Variants in TFB1M observed in about 807,000 individuals in gnomAD.
TFB1M encodes dimethyladenosine transferase 1, mitochondrial.
A neutral mutation model predicts 31.1 loss-of-function variants in TFB1M; 27 were observed. The ratio of observed to expected loss-of-function variants is 0.87; its 90% CI spans 0.64 to 1.20. TFB1M has a LOEUF of 1.20. Ranked by LOEUF, TFB1M falls within the 50% of genes most tolerant of loss-of-function variation. The pLI, the probability that TFB1M is intolerant of heterozygous loss-of-function variation, is 0.00. For synonymous variants in TFB1M, 166 were observed against 151.8 expected (o/e 1.09, Z -0.69); for missense variants, 394 against 418.7 (o/e 0.94, Z 0.51).
intron 5 of TFB1M, among the ~76,000 whole-genome samples, chr6:155,261,864 G>T (rs2114668379): frequency 6.6e-6 from 1 of 152,334 alleles, no homozygotes; most frequent in South Asian, 2.1e-4. Flanking sequence ...CAGCCTTCTT[G>T]TGAAGTCCAG....
intron 5 of TFB1M, among the ~76,000 whole-genome samples, chr6:155,281,593 G>A (rs539048667): frequency 1.3e-5 from 2 of 151,954 alleles, no homozygotes; most frequent in African/African-American, 4.8e-5. Flanking sequence ...ATGATGGCGG[G>A]CGCCTGTAAT....
the TFB1M span, among the ~76,000 whole-genome samples, chr6:155,249,118 A>G: frequency 6.6e-6 from 1 of 152,188 alleles, no homozygotes; most frequent in Non-Finnish European, 1.5e-5. Context: ...TTCCTTCCAA[A>G]CTTCCCTCCA....
intron 4 of TFB1M, among the ~76,000 whole-genome samples, chr6:155,288,439 CAAGTGGTCA>C (rs1259074892): frequency 1.3e-5 from 2 of 152,140 alleles, no homozygotes; most frequent in East Asian, 3.8e-4. Context: ...GCTTATGGAT[CAAGTGGTCA>C]AAAATATTTC....
At chr6:155,248,632 T>C in the TFB1M span, among the ~76,000 whole-genome samples, 4 of 151,580 alleles carry the variant, frequency 2.6e-5, no homozygotes, top group Admixed American at 6.6e-5. Flanking sequence ...AGAGCTCGGC[T>C]TCAAAACCAA....
At chr6:155,313,075 C>T (rs1374380601) in intron 1 of TFB1M, 1 of 152,060 alleles carries the variant, frequency 6.6e-6, no homozygotes, top group Non-Finnish European at 1.5e-5. Context: ...TAGTGAAACC[C>T]TGTCTTTACT....
chr6:155,277,959 T>G (rs908250993), intron 5 of TFB1M, among the ~76,000 whole-genome samples: 46 of 152,198 alleles, frequency 3.0e-4, no homozygotes, highest in African/African-American at 1.1e-3. Flanking sequence ...GCTATATCAT[T>G]CTATATATAC....
chr6:155,269,385 G>C (rs1183683318), intron 5 of TFB1M, among the ~76,000 whole-genome samples: 1 of 139,248 alleles, frequency 7.2e-6, no homozygotes, highest in Non-Finnish European at 1.5e-5. Flanking sequence ...GCTATGACAC[G>C]ATCTTGGCTC....
the TFB1M span, among the ~76,000 whole-genome samples, chr6:155,234,668 G>A: frequency 6.6e-6 from 1 of 152,168 alleles, no homozygotes; most frequent in Non-Finnish European, 1.5e-5. Flanking sequence ...TTCTCCTAAA[G>A]TGTTGGGATT....
At chr6:155,276,447 T>A in intron 5 of TFB1M, 1 of 1,354,912 alleles carries the variant, frequency 7.4e-7, no homozygotes, top group Non-Finnish European at 1.0e-6. Context: ...TAAAAAAAAA[T>A]CAGAATTATG....
the TFB1M span, among the ~76,000 whole-genome samples, chr6:155,240,234 G>C: frequency 6.6e-6 from 1 of 152,244 alleles, no homozygotes; most frequent in African/African-American, 2.4e-5. Flanking sequence ...GACTGCAGAG[G>C]GTTAGCCCTA....
chr6:155,253,149 T>A (rs1195102602), downstream of TFB1M: 4 of 1,052,266 alleles, frequency 3.8e-6, no homozygotes, highest in African/African-American at 6.3e-5. Context: ...TAATTTTTGG[T>A]GCCTTTTATT....
At chr6:155,245,516 C>A in the TFB1M span, 5 of 918,068 alleles carry the variant, frequency 5.4e-6, no homozygotes, top group Non-Finnish European at 8.7e-6. Flanking sequence ...TTCTCCAAGG[C>A]ATTAGTGCTA....
the TFB1M span, among the ~76,000 whole-genome samples, chr6:155,233,573 A>G: frequency 0.25 from 38,447 of 152,176 alleles, 5,496 homozygotes; most frequent in Middle Eastern, 0.42. Context: ...ATAACTGCTT[A>G]GACGTCTGCC....
chr6:155,292,856 G>T (rs1173292058), intron 4 of TFB1M, among the ~76,000 whole-genome samples: 4 of 152,130 alleles, frequency 2.6e-5, no homozygotes, highest in Non-Finnish European at 5.9e-5. Flanking sequence ...TTGAGACAGG[G>T]TCTTGCTCTG....
chr6:155,233,683 TAAAGGCC>T, the TFB1M span, among the ~76,000 whole-genome samples: 1 of 152,104 alleles, frequency 6.6e-6, no homozygotes, highest in Admixed American at 6.5e-5. Flanking sequence ...AAACCTGAAC[TAAAGGCC>T]CGGCATGGTG....
chr6:155,274,311 G>A (rs1487175961), intron 5 of TFB1M, among the ~76,000 whole-genome samples: 4 of 152,178 alleles, frequency 2.6e-5, no homozygotes, highest in African/African-American at 9.7e-5. Context: ...AGTGCCAGAT[G>A]GGCTAGATAG....
chr6:155,230,468 C>T, the TFB1M span, among the ~76,000 whole-genome samples: 5 of 152,124 alleles, frequency 3.3e-5, no homozygotes, highest in East Asian at 9.6e-4. Flanking sequence ...TTCCGTAGGA[C>T]CCCCCACTTT....
rs1417363954 is a variant in TFB1M, at chr6:155,287,366, T to C, written c.547-2089A>G. ...GTTCATTATGGTATTATGTGTAATG[T>C]CAAGAAATGAAAAAAATAATAAAAA... On this transcript the variant is annotated intron_variant, in intron 4 of 6. Coordinates refer to ENST00000367166, the MANE Select transcript of TFB1M (RefSeq NM_016020.4). Among the ~76,000 whole-genome samples, 3 of 151,950 alleles carry C rather than the reference T, an allele frequency of 2.0e-5. No homozygotes were observed. The East Asian group carries it at 5.8e-4, about 29-fold the overall frequency.
the TFB1M span, among the ~76,000 whole-genome samples, chr6:155,230,523 C>A: frequency 3.1e-5 from 3 of 96,052 alleles, no homozygotes; most frequent in Admixed American, 2.4e-4. Flanking sequence ...CTTGTCTTCC[C>A]AGCCAGACTC....
Sources: gnomAD v4.1 joint callset for allele counts (sites outside exome capture counted in the v4.1 genomes callset) on GRCh38, gnomAD v4.1.1 for gene constraint, MANE v1.5 for transcripts, NCBI Gene and HGNC (gene_info 2026-07-23, HGNC 2026-07-21) for gene names.